The following POTEJ variants were observed in gnomAD, a reference collection of about 807,000 sequenced individuals.
POTEJ encodes the protein POTE ankyrin domain family, member J.
A neutral mutation model predicts 69.0 loss-of-function variants in POTEJ; 11 were observed. That is an observed-to-expected ratio of 0.16 (90% confidence interval 0.10 to 0.26). The LOEUF is 0.26. POTEJ is among the 10% of genes least tolerant of loss of function. The pLI, the probability that POTEJ is intolerant of heterozygous loss-of-function variation, is 1.00. For missense variants in POTEJ, 327 were observed against 1,045.5 expected, an observed-to-expected ratio of 0.31 and a Z score of 9.48; for synonymous variants, 117 against 381.1, an observed-to-expected ratio of 0.31 and a Z score of 8.07.
At chr2:130,643,107 T>G (rs1686452437) in intron 10 of POTEJ, among the ~76,000 whole-genome samples, 1 of 147,352 alleles carries the variant, frequency 6.8e-6, no homozygotes, top group African/African-American at 2.5e-5. Flanking sequence ...GGAGGAATAA[T>G]GTACAGTTTA....
chr2:130,612,638 C>A (rs1188302464), intron 1 of POTEJ, among the ~76,000 whole-genome samples: 4 of 145,814 alleles, frequency 2.7e-5, no homozygotes, highest in Non-Finnish European at 6.1e-5. Context: ...TGGCAGGTGC[C>A]TGTAGTCCCA....
intron 7 of POTEJ, among the ~76,000 whole-genome samples, chr2:130,630,617 G>C (rs1685862297): frequency 7.1e-6 from 1 of 141,252 alleles, no homozygotes; most frequent in African/African-American, 2.8e-5. Flanking sequence ...TTTCTGTTCA[G>C]GGAGGGAACC....
At chr2:130,624,899 A>G (rs1368972529) in intron 6 of POTEJ, among the ~76,000 whole-genome samples, 2 of 152,228 alleles carry the variant, frequency 1.3e-5, no homozygotes, top group South Asian at 2.1e-4. Context: ...AATTGTCATC[A>G]TAACAGTAAT....
At chr2:130,625,119 A>T (rs71304535) in intron 6 of POTEJ, among the ~76,000 whole-genome samples, 1 of 152,186 alleles carries the variant, frequency 6.6e-6, no homozygotes, top group Non-Finnish European at 1.5e-5. Context: ...CCATCTATTT[A>T]TCAAAGAGCT....
chr2:130,618,053 C>G (rs1346433984), intron 3 of POTEJ, among the ~76,000 whole-genome samples: 3 of 152,042 alleles, frequency 2.0e-5, no homozygotes, highest in Non-Finnish European at 2.9e-5. Context: ...GTATCCTATT[C>G]TGGTAGAAAT....
At chr2:130,648,334 A>G (rs1457610411) in intron 13 of POTEJ, among the ~76,000 whole-genome samples, 3 of 144,554 alleles carry the variant, frequency 2.1e-5, no homozygotes, top group African/African-American at 8.0e-5. Flanking sequence ...GGAAGCTACT[A>G]TTTCTTGTCT....
intron 11 of POTEJ, 145 bp from the exon 12 acceptor site, chr2:130,645,592 A>C: frequency 2.3e-6 from 1 of 439,836 alleles, no homozygotes; most frequent in Non-Finnish European, 3.6e-6. Context: ...ATTTATTTTA[A>C]CAGTTTAATT....
chr2:130,649,342 T>A, intron 13 of POTEJ, among the ~76,000 whole-genome samples: 1 of 152,234 alleles, frequency 6.6e-6, no homozygotes, highest in East Asian at 1.9e-4. Context: ...GCCAAAAACC[T>A]CAGTGTCATT....
At chr2:130,612,573 A>G (rs1318785568) in intron 1 of POTEJ, among the ~76,000 whole-genome samples, 1 of 152,266 alleles carries the variant, frequency 6.6e-6, no homozygotes, top group Admixed American at 6.5e-5. Context: ...ATCCTGGCTA[A>G]CACGGTGAAA....
intron 11 of POTEJ, among the ~76,000 whole-genome samples, chr2:130,644,499 T>G (rs1421324502): frequency 2.6e-5 from 4 of 152,262 alleles, no homozygotes; most frequent in East Asian, 1.9e-4. Context: ...TTTAATAGAT[T>G]CTTAAAATTT....
rs1355998113 is a variant in POTEJ, at chr2:130,639,343, G to C, written c.1369+654G>C. On this transcript the variant is annotated intron_variant, in intron 10 of 14. Coordinates refer to ENST00000409602, the MANE Select transcript of POTEJ (RefSeq NM_001277083.2). ...CACAGGTCATGTTACATATGCTTGTGCCAACAAGGTCTCACTATTACTGAC... is the reference window on the plus strand; with the variant it reads ...CACAGGTCATGTTACATATGCTTGTCCCAACAAGGTCTCACTATTACTGAC... Among the ~76,000 whole-genome samples the C allele has an allele frequency of 2.6e-5, 4 of 152,426 alleles. No homozygotes were observed. In the East Asian group the frequency reaches 5.8e-4, roughly 22 times the overall value.
intron 6 of POTEJ, among the ~76,000 whole-genome samples, chr2:130,626,702 T>C (rs1186127405): frequency 6.6e-6 from 1 of 152,190 alleles, no homozygotes; most frequent in South Asian, 2.1e-4. Context: ...GTTTTTGCAG[T>C]AGTCAGCTAT....
chr2:130,652,262 T>C (rs1464592159), intron 13 of POTEJ, among the ~76,000 whole-genome samples: 1 of 137,500 alleles, frequency 7.3e-6, no homozygotes, highest in African/African-American at 2.8e-5. Flanking sequence ...TCCCCAGCCA[T>C]GCGTAACTGT....
At position 130,656,851 on chromosome 2, in the gene POTEJ, C is replaced by T. The variant is rs776332310; in HGVS notation, c.2091C>T (p.Ile697=). ...CCCCCCGGGCTGTCTTCCCTTCCAT[C>T]GTGGGGTGCCCCAGGCAGCAGGGCA... The part of the protein sequence containing the change: ...DDAPRAVFPS[I]VGCPRQQGMM... The change falls in exon 15 of 15, where the codon ATC becomes ATT. Residue 697 remains isoleucine (I), a synonymous_variant. Transcript: ENST00000409602. 1.6e-5 allele frequency: 25 copies of T among 1,587,042 alleles called. 1 individual carries two copies. The highest frequency in any genetic ancestry group is 9.9e-5 in the South Asian group (9 of 90,756).
intron 14 of POTEJ, among the ~76,000 whole-genome samples, 164 bp downstream of exon 14, chr2:130,655,205 T>C (rs539258214): frequency 6.6e-6 from 1 of 151,904 alleles, no homozygotes; most frequent in East Asian, 1.9e-4. Flanking sequence ...AGCCATGTTC[T>C]TAATTCACCT....
chr2:130,636,040 C>T (rs1193525118), intron 9 of POTEJ, among the ~76,000 whole-genome samples: 2 of 144,168 alleles, frequency 1.4e-5, no homozygotes, highest in Non-Finnish European at 2.9e-5. Flanking sequence ...ATCTCCCTTG[C>T]TCTGCTTCAG....
rs879241958 is a variant in POTEJ, at chr2:130,657,445, C to T, written c.2685C>T (p.Ser895=). The change falls in exon 15 of 15, where the codon TCC becomes TCT. Residue 895 remains serine (S), a synonymous_variant. Transcript: ENST00000409602. ...DFEQEMAMVA[S]SSSLEKSYEL... is the part of the protein sequence containing the mutation. The stretch of plus-strand genomic sequence containing the variant: ...AGCAGGAGATGGCCATGGTGGCCTC[C>T]AGCTCCTCCCTAGAGAAGAGCTACG... 9 of 1,596,754 alleles carry T rather than the reference C, an allele frequency of 5.6e-6. No individual in the cohort carries two copies. The South Asian group carries it at 8.8e-5, about 16-fold the overall frequency.
Position 130,657,310 on chromosome 2 carries a change from CT to C in POTEJ, c.2551del (p.Tyr851ThrfsTer3), listed in dbSNP as rs1687047013. ...LDLAGRELTD[Y>X]LMKILTERGY... ...ACCTGGCTGGGCGGGAACTGACTGA[CT>C]ACCTCATGAAGATCCTCACCGAGCG... is the stretch of plus-strand genomic sequence containing the variant. On this transcript the variant is annotated frameshift_variant, in exon 15 of 15. Transcript: ENST00000409602. LOFTEE classifies it high-confidence loss of function. The C allele has an allele frequency of 5.6e-6, 9 of 1,599,878 alleles. No individual in the cohort carries two copies. Among genetic ancestry groups the C allele is most frequent in the Non-Finnish European group, 7.7e-6 (9 of 1,173,388 alleles).
intron 9 of POTEJ, among the ~76,000 whole-genome samples, chr2:130,637,790 G>A (rs1363309547): frequency 6.6e-6 from 1 of 151,958 alleles, no homozygotes; most frequent in East Asian, 1.9e-4. Context: ...AGATGAACAT[G>A]TATATAAAGC....
Sources: allele counts gnomAD v4.1 joint callset (sites outside exome capture counted in the v4.1 genomes callset), GRCh38; gene constraint gnomAD v4.1.1; transcripts MANE v1.5; gene names NCBI Gene and HGNC (gene_info 2026-07-23, HGNC 2026-07-21).